GON4L: variants seen among roughly 807,000 people sequenced by gnomAD.
The protein encoded by GON4L is gon-4 like, also known as GON-4-like protein.
GON4L carries 87 observed loss-of-function variants against 211.8 expected under a neutral mutation model. The observed-to-expected ratio is 0.41, with a 90% CI of 0.35 to 0.49. The LOEUF (loss-of-function observed/expected upper bound fraction) is 0.49, where lower values mean the gene tolerates loss of function less well. Ranked by LOEUF, GON4L falls within the 20% of genes least tolerant of loss-of-function variation. GON4L has a pLI of 0.15. For synonymous variants in GON4L, 875 were observed against 962.6 expected (o/e 0.91, Z 1.68); for missense variants, 2,155 against 2,659.5 (o/e 0.81, Z 4.17).
chr1:155,771,733 C>T (rs181954831), intron 18 of GON4L, among the ~76,000 whole-genome samples: 1 of 152,190 alleles, frequency 6.6e-6, no homozygotes, highest in African/African-American at 2.4e-5. Flanking sequence ...CTGCCTCAGC[C>T]TCTCAAAGTG....
At chr1:155,829,584 C>A (rs983846990) in intron 2 of GON4L, among the ~76,000 whole-genome samples, 1 of 152,096 alleles carries the variant, frequency 6.6e-6, no homozygotes. Context: ...CCACTGCATT[C>A]CAGCCTGGGC....
chr1:155,748,062 T>G (rs1216815578), downstream of GON4L: 2 of 1,607,838 alleles, frequency 1.2e-6, no homozygotes, highest in Non-Finnish European at 1.7e-6. Context: ...CTGCCCCTTG[T>G]CCTTGGGTGG....
At position 155,766,735 on chromosome 1, in the gene GON4L, C is replaced by T. The variant is rs760881317; in HGVS notation, c.2764-26G>A. 27 of 1,613,432 alleles carry T rather than the reference C, an allele frequency of 1.7e-5. No homozygotes were observed. In the African/African-American group the frequency reaches 3.5e-4, roughly 21 times the overall value. ...CTATTGGAAACAAGAACACTCTGAT[C>T]CAGCATATGTCAGAATTTGGGAAAA... On this transcript the variant is annotated intron_variant, in intron 20 of 31. Coordinates refer to ENST00000368331, the MANE Select transcript of GON4L (RefSeq NM_001282860.2).
At chr1:155,842,514 AC>A in intron 2 of GON4L, among the ~76,000 whole-genome samples, 1 of 116,408 alleles carries the variant, frequency 8.6e-6, no homozygotes, top group Admixed American at 1.1e-4. Flanking sequence ...ACAGAGCGAG[AC>A]TCCATCTCAA....
intron 12 of GON4L, among the ~76,000 whole-genome samples, chr1:155,787,724 T>C (rs916863039): frequency 6.6e-6 from 1 of 151,788 alleles, no homozygotes; most frequent in South Asian, 2.1e-4. Flanking sequence ...ACTGAGCCAA[T>C]ACAGCACCAA....
At chr1:155,786,199 TAGAG>T (rs933486445) in intron 12 of GON4L, among the ~76,000 whole-genome samples, 4 of 151,376 alleles carry the variant, frequency 2.6e-5, no homozygotes, top group Admixed American at 2.0e-4. Flanking sequence ...GAAAGAGAGA[TAGAG>T]AGAGAGAGTT....
chr1:155,759,466 C>T (rs942246108), intron 24 of GON4L, among the ~76,000 whole-genome samples: 5 of 151,878 alleles, frequency 3.3e-5, no homozygotes, highest in South Asian at 4.1e-4. Context: ...CCCGGCTACT[C>T]GGGAGGCTGA....
At position 155,754,499 on chromosome 1, in the gene GON4L, C is replaced by T. The variant is rs750634342; in HGVS notation, c.5518-11G>A. ...TGGCCATTCAGTCTCCTAGGAGATA[C>T]TTGGGCTTGATTAGCTGCCAAGTTG... On this transcript the variant is annotated splice_polypyrimidine_tract_variant and intron_variant, in intron 27 of 31. Transcript: ENST00000368331. 9.0e-7 allele frequency: 1 copy of T among 1,108,878 alleles called. No individual in the cohort carries two copies. The highest frequency in any genetic ancestry group is 2.5e-5 in the East Asian group (1 of 39,872). The allele number at this position is 1,108,878 out of a possible 1,614,324, so 68.7% of individuals were successfully genotyped here.
intron 8 of GON4L, among the ~76,000 whole-genome samples, chr1:155,814,965 T>A: frequency 6.6e-6 from 1 of 151,500 alleles, no homozygotes; most frequent in East Asian, 1.9e-4. Context: ...ATACAAAAAT[T>A]AGCCAGGCAT....
At position 155,815,307 on chromosome 1, in the gene GON4L, T is replaced by C. The variant is rs34398310; in HGVS notation, c.1161+498A>G. Among the ~76,000 whole-genome samples, 274 of 152,312 alleles carry C rather than the reference T, an allele frequency of 1.8e-3. 1 individual carries two copies. Among genetic ancestry groups the C allele is most frequent in the Admixed American group, 2.3e-3 (35 of 15,286 alleles). ...GTATAAATGAATCTCAAAAGCTTAA[T>C]GTTGAATTTTAAAAAGCTAGGAACA... On this transcript the variant is annotated intron_variant, in intron 8 of 31. Coordinates refer to ENST00000368331, the MANE Select transcript of GON4L (RefSeq NM_001282860.2).
At chr1:155,786,748 G>A (rs913443028) in intron 12 of GON4L, among the ~76,000 whole-genome samples, 4 of 151,966 alleles carry the variant, frequency 2.6e-5, no homozygotes, top group African/African-American at 4.8e-5. Context: ...CAACATATAC[G>A]GATAAATTTA....
chr1:155,833,150 G>A (rs1026225488), intron 2 of GON4L, among the ~76,000 whole-genome samples: 14 of 152,088 alleles, frequency 9.2e-5, no homozygotes, highest in African/African-American at 2.2e-4. Flanking sequence ...ATTTAAATCC[G>A]GATATCTGTG....
In GON4L at chr1:155,777,824, T is replaced by C; in HGVS notation, c.1893-4A>G. ...GTTGGCCAGTGGTTCCTCAAACCTA[T>C]TCCCAACAGGGAGATGACTGAATTT... On this transcript the variant is annotated splice_region_variant and splice_polypyrimidine_tract_variant and intron_variant, in intron 14 of 31. Coordinates refer to ENST00000368331, the MANE Select transcript of GON4L (RefSeq NM_001282860.2). 1.3e-6 allele frequency: 2 copies of C among 1,589,912 alleles called. No individual in the cohort carries two copies. The highest frequency in any genetic ancestry group is 1.7e-6 in the Non-Finnish European group (2 of 1,158,548).
intron 8 of GON4L, among the ~76,000 whole-genome samples, chr1:155,815,421 A>C (rs1333942687): frequency 6.6e-6 from 1 of 152,128 alleles, no homozygotes; most frequent in East Asian, 1.9e-4. Context: ...AGGTGATACA[A>C]CTATAAAGAA....
intron 3 of GON4L, among the ~76,000 whole-genome samples, chr1:155,825,301 G>A (rs185433698): frequency 5.9e-5 from 9 of 152,304 alleles, no homozygotes; most frequent in Admixed American, 1.3e-4. Flanking sequence ...GGCCGGGCAC[G>A]GTGGCTCACG....
chr1:155,853,474 T>G lies in GON4L; in HGVS notation c.307A>C (p.Ile103Leu), dbSNP rs1671998466. ...AAAGACTCCAAGGAAGGTAGGGTGA[T>G]TCCCTGAGAGATGGCCACATCAACA... is the stretch of plus-strand genomic sequence containing the variant. ...EGVDVAISQG[I>L]TLPSLESFHP... The change falls in exon 2 of 32, where the codon ATC (isoleucine) becomes CTC (leucine). Residue 103 changes from isoleucine (I) to leucine (L), a missense_variant. Coordinates refer to ENST00000368331, the MANE Select transcript of GON4L (RefSeq NM_001282860.2). 1 of 1,613,930 alleles carries G rather than the reference T, an allele frequency of 6.2e-7. No homozygotes were observed. Among genetic ancestry groups the G allele is most frequent in the South Asian group, 1.1e-5 (1 of 91,090 alleles).
At chr1:155,853,255 T>C in intron 2 of GON4L, 21 bp downstream of exon 2, 1 of 1,604,514 alleles carries the variant, frequency 6.2e-7, no homozygotes, top group Non-Finnish European at 8.5e-7. Context: ...GAATGTAACC[T>C]AGAGACCTTG....
Position 155,785,407 on chromosome 1 carries a change from T to G in GON4L, c.1748-33A>C, listed in dbSNP as rs41409345. ...AAAGCCAGACAGTATATTGTTGGTA[T>G]AAATTAGATTTTACAATAAGGAGGA... is the stretch of plus-strand genomic sequence containing the variant. On this transcript the variant is annotated intron_variant, in intron 12 of 31. Coordinates refer to ENST00000368331, the MANE Select transcript of GON4L (RefSeq NM_001282860.2). The G allele has an allele frequency of 5.3e-3, 7,836 of 1,470,872 alleles. 237 individuals are homozygous for G. In the African/African-American group the frequency reaches 0.07, roughly 13 times the overall value. The allele number at this position is 1,470,872 out of a possible 1,614,324, so 91.1% of individuals were successfully genotyped here.
rs904867528 is a variant in GON4L at position 155,766,328 on chromosome 1, A to T, written c.3145T>A (p.Leu1049Ile). ...IPHPIQPATV[L>I]QTVPGVPPLG... Reference sequence around the variant, plus strand: ...GGAGGGACACCTGGAACTGTCTGTAAAACAGTGGCTGGCTGTATTGGGTGA... The same window carrying T: ...GGAGGGACACCTGGAACTGTCTGTATAACAGTGGCTGGCTGTATTGGGTGA... The change falls in exon 21 of 32, where the codon TTA becomes ATA. Residue 1049 changes from leucine to isoleucine, a missense_variant. Around this residue, in one of 6 missense-constraint regions of GON4L, gnomAD observed 615 missense variants for 625.7 expected, o/e 0.98. Transcript: ENST00000368331. 2 of 1,613,996 alleles carry T rather than the reference A, an allele frequency of 1.2e-6. No individual in the cohort carries two copies. Among genetic ancestry groups the T allele is most frequent in the African/African-American group, 2.7e-5 (2 of 74,918 alleles).
Sources: gnomAD v4.1 joint callset for allele counts (sites outside exome capture counted in the v4.1 genomes callset) on GRCh38, gnomAD v4.1.1 for gene constraint, gnomAD v4.1.1 regional missense constraint, MANE v1.5 for transcripts, NCBI Gene and HGNC (gene_info 2026-07-23, HGNC 2026-07-21) for gene names.